C7orf78: variants seen among roughly 807,000 people sequenced by gnomAD.
C7orf78 encodes the protein chromosome 7 open reading frame 78, also known as putative uncharacterized protein C7orf78.
chr7:12,541,040 C>G, the C7orf78 span: 1 of 152,208 alleles, frequency 6.6e-6, no homozygotes, highest in African/African-American at 2.4e-5. Context: ...CTACAGAAAT[C>G]TGCACTCTCC....
At chr7:12,537,821 T>C in the C7orf78 span, among the ~76,000 whole-genome samples, 1 of 152,136 alleles carries the variant, frequency 6.6e-6, no homozygotes, top group Admixed American at 6.5e-5. Flanking sequence ...ATGAACAAAA[T>C]GTTGCTATAT....
At chr7:12,535,898 A>G in the C7orf78 span, among the ~76,000 whole-genome samples, 8 of 152,218 alleles carry the variant, frequency 5.3e-5, no homozygotes, top group African/African-American at 1.9e-4. Context: ...GGTCATGCTG[A>G]CACAAGAGGT....
At chr7:12,511,819 T>C in the C7orf78 span, among the ~76,000 whole-genome samples, 1 of 151,976 alleles carries the variant, frequency 6.6e-6, no homozygotes, top group Non-Finnish European at 1.5e-5. Context: ...TGGCACGATC[T>C]CAGCTCACTG....
chr7:12,513,855 C>G, the C7orf78 span, among the ~76,000 whole-genome samples: 1 of 152,004 alleles, frequency 6.6e-6, no homozygotes, highest in Non-Finnish European at 1.5e-5. Flanking sequence ...AAAAAATTAG[C>G]TGGGCGTGGT....
chr7:12,490,131 T>C, the C7orf78 span, among the ~76,000 whole-genome samples: 5 of 152,156 alleles, frequency 3.3e-5, no homozygotes, highest in South Asian at 1.0e-3. Context: ...TTTGAGTGGT[T>C]AGTATCACCC....
the C7orf78 span, among the ~76,000 whole-genome samples, chr7:12,526,189 C>A: frequency 1.3e-5 from 2 of 152,070 alleles, no homozygotes; most frequent in African/African-American, 4.8e-5. Flanking sequence ...AGCTGTGCAA[C>A]TTTGAATCTT....
chr7:12,517,548 A>T, the C7orf78 span, among the ~76,000 whole-genome samples: 5 of 152,134 alleles, frequency 3.3e-5, no homozygotes, highest in Non-Finnish European at 7.4e-5. Flanking sequence ...AGTGTCCCAT[A>T]TGTTATGAAT....
chr7:12,529,207 A>T, the C7orf78 span, among the ~76,000 whole-genome samples: 4 of 152,174 alleles, frequency 2.6e-5, no homozygotes, highest in East Asian at 7.7e-4. Flanking sequence ...CAAATAGTGG[A>T]TTATCTAGAA....
At chr7:12,534,346 A>G in the C7orf78 span, among the ~76,000 whole-genome samples, 3 of 152,232 alleles carry the variant, frequency 2.0e-5, no homozygotes, top group African/African-American at 4.8e-5. Context: ...TCGTGCATAA[A>G]GAAGTAAATT....
At chr7:12,519,750 C>G in the C7orf78 span, among the ~76,000 whole-genome samples, 3 of 152,182 alleles carry the variant, frequency 2.0e-5, no homozygotes, top group Admixed American at 2.0e-4. Context: ...GACTAAAGTA[C>G]TGGGGACCCC....
At chr7:12,519,147 G>T in the C7orf78 span, among the ~76,000 whole-genome samples, 1 of 152,078 alleles carries the variant, frequency 6.6e-6, no homozygotes, top group Non-Finnish European at 1.5e-5. Flanking sequence ...CAGGGGGACA[G>T]GGTCACCACC....
the C7orf78 span, among the ~76,000 whole-genome samples, chr7:12,539,558 T>C: frequency 3.2e-4 from 49 of 152,262 alleles, no homozygotes; most frequent in African/African-American, 1.1e-3. Context: ...GTCTGGCCTA[T>C]TTACCTTTTA....
chr7:12,490,189 G>C, the C7orf78 span, among the ~76,000 whole-genome samples: 1 of 152,122 alleles, frequency 6.6e-6, no homozygotes, highest in Non-Finnish European at 1.5e-5. Flanking sequence ...CTACAAAGTA[G>C]TGGTCTATTT....
chr7:12,486,227 A>T, the C7orf78 span, among the ~76,000 whole-genome samples: 1 of 152,060 alleles, frequency 6.6e-6, no homozygotes, highest in Non-Finnish European at 1.5e-5. Flanking sequence ...AGGAATAGTT[A>T]TGGTGTAATA....
chr7:12,496,406 A>T, the C7orf78 span: 4 of 152,212 alleles, frequency 2.6e-5, no homozygotes, highest in Non-Finnish European at 4.4e-5. Context: ...CATTAAAGAA[A>T]ATTCCAGAAT....
the C7orf78 span, among the ~76,000 whole-genome samples, chr7:12,486,655 C>T: frequency 1.3e-4 from 20 of 151,878 alleles, no homozygotes; most frequent in Non-Finnish European, 2.7e-4. Flanking sequence ...ATCTAACATA[C>T]AATAGCATTT....
chr7:12,526,384 A>C, the C7orf78 span, among the ~76,000 whole-genome samples: 10 of 152,150 alleles, frequency 6.6e-5, no homozygotes, highest in Non-Finnish European at 1.5e-5. Flanking sequence ...AATTACTGTT[A>C]TGGTGCCATT....
chr7:12,484,729 T>A, the C7orf78 span, among the ~76,000 whole-genome samples: 5 of 152,224 alleles, frequency 3.3e-5, no homozygotes, highest in African/African-American at 1.2e-4. Flanking sequence ...TGTAATAGAA[T>A]AGAAAGCACG....
chr7:12,534,897 T>G, the C7orf78 span, among the ~76,000 whole-genome samples: 1 of 151,030 alleles, frequency 6.6e-6, no homozygotes, highest in African/African-American at 2.4e-5. Flanking sequence ...GAGGCTGCAG[T>G]GTTCTCTCCA....
Sources: allele counts gnomAD v4.1 joint callset (sites outside exome capture counted in the v4.1 genomes callset), GRCh38; gene constraint gnomAD v4.1.1; transcripts MANE v1.5; gene names NCBI Gene and HGNC (gene_info 2026-07-23, HGNC 2026-07-21).